PPARGC1A: variants seen among roughly 807,000 people sequenced by gnomAD.
The protein encoded by PPARGC1A is PPARG coactivator 1 alpha, also known as peroxisome proliferator-activated receptor gamma coactivator 1-alpha.
In PPARGC1A, 25 loss-of-function variants were observed where a neutral mutation model predicts 88.7. The ratio of observed to expected loss-of-function variants is 0.28; its 90% CI spans 0.21 to 0.39. The LOEUF is 0.39. PPARGC1A is among the 10% of genes least tolerant of loss of function. The pLI is 1.00. For synonymous variants in PPARGC1A, 363 were observed against 355.6 expected (o/e 1.02, Z -0.24); for missense variants, 880 against 968.7 (o/e 0.91, Z 1.22).
chr4:24,404,650 T>C, the PPARGC1A span, among the ~76,000 whole-genome samples: 1 of 152,166 alleles, frequency 6.6e-6, no homozygotes, highest in Non-Finnish European at 1.5e-5. Flanking sequence ...GCAAACTAAA[T>C]GAGTGACTTC....
At chr4:24,343,376 G>T in the PPARGC1A span, among the ~76,000 whole-genome samples, 3 of 152,108 alleles carry the variant, frequency 2.0e-5, no homozygotes, top group African/African-American at 7.2e-5. Flanking sequence ...CCTTATAAAC[G>T]GCTTGAGTAG....
the PPARGC1A span, among the ~76,000 whole-genome samples, chr4:24,046,571 GTGAC>G: frequency 0.029 from 4,414 of 152,226 alleles, 194 homozygotes; most frequent in African/African-American, 0.1. Flanking sequence ...AATTGCTTCA[GTGAC>G]TGTCCTTTGT....
At chr4:24,191,540 C>T in the PPARGC1A span, among the ~76,000 whole-genome samples, 1 of 152,150 alleles carries the variant, frequency 6.6e-6, no homozygotes, top group Non-Finnish European at 1.5e-5. Context: ...ATGGATTGCA[C>T]ACTTGGACAT....
chr4:24,421,601 G>T, the PPARGC1A span, among the ~76,000 whole-genome samples: 39 of 152,210 alleles, frequency 2.6e-4, no homozygotes, highest in African/African-American at 8.9e-4. Context: ...GTGAGCCACC[G>T]CGCCGGGCCA....
chr4:23,856,380 AC>A (rs1294432567), intron 2 of PPARGC1A, among the ~76,000 whole-genome samples: 1 of 152,208 alleles, frequency 6.6e-6, no homozygotes, highest in African/African-American at 2.4e-5. Flanking sequence ...GTTTTAACAT[AC>A]AAAATGCCTT....
chr4:24,280,373 TCA>T, the PPARGC1A span, among the ~76,000 whole-genome samples: 448 of 152,274 alleles, frequency 2.9e-3, 2 homozygotes, highest in African/African-American at 0.01. Context: ...GGGCAGGAGA[TCA>T]CAGTTTTTGT....
At chr4:24,437,133 C>T in the PPARGC1A span, among the ~76,000 whole-genome samples, 13 of 152,292 alleles carry the variant, frequency 8.5e-5, no homozygotes, top group East Asian at 1.9e-4. Context: ...TAAGCAAATA[C>T]GCATGGCAAT....
the PPARGC1A span, among the ~76,000 whole-genome samples, chr4:24,041,968 A>T: frequency 6.6e-6 from 1 of 151,924 alleles, no homozygotes; most frequent in Non-Finnish European, 1.5e-5. Flanking sequence ...TAAAAATATG[A>T]CTGTATATGG....
chr4:24,081,145 AG>A, the PPARGC1A span, among the ~76,000 whole-genome samples: 1 of 152,190 alleles, frequency 6.6e-6, no homozygotes, highest in Non-Finnish European at 1.5e-5. Context: ...TACATTTCAA[AG>A]GCCAAAAAAA....
At chr4:23,893,292 T>A (rs1246551853), upstream of PPARGC1A, among the ~76,000 whole-genome samples, 1 of 152,052 alleles carries the variant, frequency 6.6e-6, no homozygotes, top group Non-Finnish European at 1.5e-5. Flanking sequence ...GCTTTTCCCA[T>A]CCCTCCATAT....
the PPARGC1A span, among the ~76,000 whole-genome samples, chr4:23,910,061 A>T: frequency 1.4e-5 from 2 of 144,532 alleles, no homozygotes; most frequent in Middle Eastern, 3.2e-3. Context: ...TAAAATCAAG[A>T]GTAGTTTACA....
At chr4:24,089,064 G>A in the PPARGC1A span, among the ~76,000 whole-genome samples, 1 of 152,192 alleles carries the variant, frequency 6.6e-6, no homozygotes, top group South Asian at 2.1e-4. Context: ...ACTATGGTGG[G>A]AAAATAGTAG....
chr4:23,977,982 A>G, the PPARGC1A span, among the ~76,000 whole-genome samples: 3 of 152,200 alleles, frequency 2.0e-5, no homozygotes, highest in African/African-American at 7.2e-5. Context: ...ACATTGTACA[A>G]TAGGGAAGAG....
chr4:23,809,753 T>A (rs1329657307), intron 10 of PPARGC1A, among the ~76,000 whole-genome samples: 2 of 152,186 alleles, frequency 1.3e-5, no homozygotes, highest in African/African-American at 4.8e-5. Context: ...ACACAGTGCA[T>A]CTTAATATGG....
intron 10 of PPARGC1A, among the ~76,000 whole-genome samples, chr4:23,811,867 G>A (rs573506634): frequency 1.6e-3 from 215 of 135,328 alleles, no homozygotes; most frequent in Middle Eastern, 5.1e-3. Context: ...GTTAGATGAC[G>A]ACCATCACGC....
In PPARGC1A at chr4:23,795,529, G is replaced by A. The variant is rs1005954305; in HGVS notation, c.*293C>T. The stretch of plus-strand genomic sequence containing the variant: ...TACACACACACATACATGCACACAC[G>A]CACACTCCATCACCAAGAGACTCCA... On this transcript the variant is annotated 3_prime_UTR_variant, in exon 13 of 13. Coordinates refer to ENST00000264867, the MANE Select transcript of PPARGC1A (RefSeq NM_013261.5). 5.0e-5 allele frequency: 16 copies of A among 320,676 alleles called. No homozygotes were observed. The highest frequency in any genetic ancestry group is 7.6e-5 in the Non-Finnish European group (13 of 171,752). The allele number at this position is 320,676 out of a possible 1,614,324, so 19.9% of individuals were successfully genotyped here.
chr4:24,442,360 A>T, the PPARGC1A span, among the ~76,000 whole-genome samples: 2 of 152,208 alleles, frequency 1.3e-5, no homozygotes, highest in Non-Finnish European at 1.5e-5. Flanking sequence ...GTAAGGGGAA[A>T]AAAAATCTTC....
At chr4:24,156,637 A>C in the PPARGC1A span, among the ~76,000 whole-genome samples, 1 of 152,160 alleles carries the variant, frequency 6.6e-6, no homozygotes, top group Non-Finnish European at 1.5e-5. Context: ...TGAGAACATG[A>C]AATCATATTT....
chr4:24,186,770 C>T, the PPARGC1A span, among the ~76,000 whole-genome samples: 1 of 151,654 alleles, frequency 6.6e-6, no homozygotes, highest in African/African-American at 2.4e-5. Context: ...GTTGCCAGAA[C>T]CATGGGCAGG....
Sources: gnomAD v4.1 joint callset for allele counts (sites outside exome capture counted in the v4.1 genomes callset) on GRCh38, gnomAD v4.1.1 for gene constraint, MANE v1.5 for transcripts, NCBI Gene and HGNC (gene_info 2026-07-23, HGNC 2026-07-21) for gene names.